Variants in DCAF8L2 observed in about 807,000 individuals in gnomAD.
DCAF8L2 encodes the protein DDB1 and CUL4 associated factor 8 like 2, also known as DDB1- and CUL4-associated factor 8-like protein 2.
For missense variants in DCAF8L2, 430 were observed against 490.7 expected, an observed-to-expected ratio of 0.88 and a Z score of 1.17; for synonymous variants, 200 against 190.9, an observed-to-expected ratio of 1.05 and a Z score of -0.39.
the DCAF8L2 span, among the ~76,000 whole-genome samples, chrX:27,510,223 A>T: frequency 2.7e-5 from 3 of 110,085 alleles, no homozygotes; most frequent in Admixed American, 2.0e-4. Flanking sequence ...TTTCTCTCTT[A>T]ACTTAAAACT....
At chrX:27,523,774 C>G in the DCAF8L2 span, among the ~76,000 whole-genome samples, 4 of 109,675 alleles carry the variant, frequency 3.6e-5, no homozygotes, top group African/African-American at 1.0e-4. Flanking sequence ...CCCGTCCCCC[C>G]ACCCCACAAC....
the DCAF8L2 span, among the ~76,000 whole-genome samples, chrX:27,561,302 T>C: frequency 2.0e-4 from 22 of 112,088 alleles, no homozygotes; most frequent in Non-Finnish European, 3.9e-4. Flanking sequence ...TGTTACTTGC[T>C]CTCAGCTGTT....
At chrX:27,486,166 C>T in the DCAF8L2 span, among the ~76,000 whole-genome samples, 6,703 of 107,796 alleles carry the variant, frequency 0.062, 522 homozygotes, top group African/African-American at 0.21. Context: ...CCACCATGCC[C>T]GGCTAATTTT....
intron 2 of DCAF8L2, among the ~76,000 whole-genome samples, chrX:27,661,268 T>C (rs1356374629): frequency 3.6e-5 from 4 of 111,555 alleles, no homozygotes; most frequent in Non-Finnish European, 7.5e-5. Context: ...AAATGAGGAG[T>C]TTGTTGGCTT....
rs751790599 is a variant in DCAF8L2, at chrX:27,720,676, T to C, written c.-59+4505T>C. On this transcript the variant is annotated intron_variant, in intron 4 of 4. Transcript: ENST00000451261. ...GCGTGAGCCACCGCGCCCTGCCGAT[T>C]ATTTTTATTTTCATATATTTATTAT... is the stretch of plus-strand genomic sequence containing the variant. 5.4e-5 allele frequency among the ~76,000 whole-genome samples: 6 copies of C among 112,082 alleles called. No individual in the cohort carries two copies. The East Asian group carries it at 8.4e-4, about 16-fold the overall frequency.
At chrX:27,726,023 A>C (rs1222406647) in intron 4 of DCAF8L2, among the ~76,000 whole-genome samples, 1 of 111,603 alleles carries the variant, frequency 9.0e-6, no homozygotes, top group Non-Finnish European at 1.9e-5. Flanking sequence ...ATCTAAATCT[A>C]TATAGCTATA....
At chrX:27,559,049 G>A in the DCAF8L2 span, among the ~76,000 whole-genome samples, 2 of 110,822 alleles carry the variant, frequency 1.8e-5, no homozygotes, top group East Asian at 5.7e-4. Context: ...CTGTAGCCAT[G>A]TAGGACGTGC....
the DCAF8L2 span, among the ~76,000 whole-genome samples, chrX:27,555,074 T>G: frequency 2.7e-5 from 3 of 111,774 alleles, no homozygotes; most frequent in Non-Finnish European, 5.6e-5. Flanking sequence ...TACACGCATC[T>G]TAACGCAGGG....
the DCAF8L2 span, among the ~76,000 whole-genome samples, chrX:27,514,541 C>T: frequency 6.8e-5 from 7 of 102,759 alleles, no homozygotes; most frequent in East Asian, 6.3e-4. Context: ...TAGTGGCGGG[C>T]GCCTGTAGTC....
chrX:27,703,973 AT>A (rs1411798590), intron 3 of DCAF8L2, among the ~76,000 whole-genome samples: 1 of 108,243 alleles, frequency 9.2e-6, no homozygotes, highest in Non-Finnish European at 1.9e-5. Context: ...ATGAGAAAAA[AT>A]ATTAGCAAAT....
the DCAF8L2 span, among the ~76,000 whole-genome samples, chrX:27,506,973 C>T: frequency 5.0e-5 from 5 of 100,095 alleles, no homozygotes; most frequent in Non-Finnish European, 8.0e-5. Flanking sequence ...TGACAAATAG[C>T]ATTTTTTTTC....
chrX:27,547,143 C>G, the DCAF8L2 span, among the ~76,000 whole-genome samples: 1 of 112,102 alleles, frequency 8.9e-6, no homozygotes, highest in East Asian at 2.8e-4. Flanking sequence ...TCACCAGTCT[C>G]TTTGCTAAAA....
At chrX:27,517,512 AAAAG>A in the DCAF8L2 span, among the ~76,000 whole-genome samples, 3 of 110,840 alleles carry the variant, frequency 2.7e-5, no homozygotes, top group Non-Finnish European at 3.8e-5. Flanking sequence ...AAAAAAAAAG[AAAAG>A]AAAGAATGTG....
At chrX:27,654,859 T>G (rs763601975) in intron 2 of DCAF8L2, among the ~76,000 whole-genome samples, 1 of 112,099 alleles carries the variant, frequency 8.9e-6, no homozygotes, top group East Asian at 2.8e-4. Flanking sequence ...GAATTATACA[T>G]CTTGTTAACG....
At chrX:27,588,188 G>T (rs528483180), upstream of DCAF8L2, among the ~76,000 whole-genome samples, 4 of 107,609 alleles carry the variant, frequency 3.7e-5, no homozygotes, top group African/African-American at 1.4e-4. Flanking sequence ...ATCTATTTTC[G>T]CCATCTTTAT....
At chrX:27,738,301 A>C (rs182464461) in intron 4 of DCAF8L2, among the ~76,000 whole-genome samples, 280 of 111,645 alleles carry the variant, frequency 2.5e-3, no homozygotes, top group African/African-American at 8.9e-3. Flanking sequence ...AGTACACATG[A>C]TAGTGCTCTG....
the DCAF8L2 span, chrX:27,519,819 T>C: frequency 2.5e-6 from 1 of 392,928 alleles, no homozygotes. Context: ...ACAATTATCA[T>C]GTCATCTATA....
chrX:27,530,380 A>G, the DCAF8L2 span, among the ~76,000 whole-genome samples: 3 of 110,678 alleles, frequency 2.7e-5, no homozygotes, highest in Admixed American at 9.7e-5. Context: ...TCTGTTTTCT[A>G]TACAGGAGAA....
chrX:27,720,942 T>C (rs1220580942), intron 4 of DCAF8L2, among the ~76,000 whole-genome samples: 2 of 112,043 alleles, frequency 1.8e-5, no homozygotes, highest in Non-Finnish European at 3.8e-5. Context: ...TTAAAATTTA[T>C]TTCTTAAATA....
Sources: gnomAD v4.1 joint callset for allele counts (sites outside exome capture counted in the v4.1 genomes callset) on GRCh38, gnomAD v4.1.1 for gene constraint, MANE v1.5 for transcripts, NCBI Gene and HGNC (gene_info 2026-07-23, HGNC 2026-07-21) for gene names.